NPC1L1: variants seen among roughly 807,000 people sequenced by gnomAD.
NPC1L1 encodes the protein NPC1-like intracellular cholesterol transporter 1.
Under a neutral mutation model 117.0 loss-of-function variants are expected in NPC1L1, and 98 were observed. That is an observed-to-expected ratio of 0.84 (90% CI 0.71 to 0.99). The LOEUF is 0.99. Ranked by LOEUF, NPC1L1 falls within the 50% of genes least tolerant of loss-of-function variation. The pLI, the probability that NPC1L1 is intolerant of heterozygous loss-of-function variation, is 0.00. For synonymous variants in NPC1L1, 729 were observed against 727.6 expected (o/e 1.00, Z -0.03); for missense variants, 1,540 against 1,710.0 (o/e 0.90, Z 1.75).
At chr7:44,523,228 G>A (rs1181381967) in intron 10 of NPC1L1, among the ~76,000 whole-genome samples, 1 of 151,980 alleles carries the variant, frequency 6.6e-6, no homozygotes, top group African/African-American at 2.4e-5. Context: ...GCTGATTTTT[G>A]TATTTTTAAA....
rs749174573 is a variant in NPC1L1 at position 44,534,602 on chromosome 7, C to T, written c.2011G>A (p.Gly671Ser). The change falls in exon 6 of 19, where the codon GGC becomes AGC. Residue 671 changes from glycine to serine, a missense_variant. Gly to Ser is a moderately conservative substitution (Grantham distance 56, BLOSUM62 0). Around this residue, in one of 3 missense-constraint regions of NPC1L1, gnomAD observed 742 missense variants for 873.6 expected, o/e 0.85. Transcript: ENST00000381160. This position sits in a 1 kb window ranked among gnomAD's most constrained non-coding sequence, Gnocchi z 5.2. ...MVDSKATLGL[G>S]GVAVVLGAVM... The stretch of plus-strand genomic sequence containing the variant: ...GCTCCCAGGACCACGGCCACCCCGC[C>T]GAGGCCCAGCGTGGCCTTGGAGTCC... The T allele has an allele frequency of 3.1e-6, 5 of 1,613,958 alleles. No individual in the cohort carries two copies. The highest frequency in any genetic ancestry group is 1.3e-5 in the African/African-American group (1 of 74,920).
At chr7:44,525,698 C>T (rs904287463) in intron 10 of NPC1L1, among the ~76,000 whole-genome samples, 1 of 151,552 alleles carries the variant, frequency 6.6e-6, no homozygotes, top group Non-Finnish European at 1.5e-5. Flanking sequence ...CATAGCAAGA[C>T]CCTGCCTCTA....
chr7:44,516,200 A>G lies in NPC1L1; in HGVS notation c.3520-3T>C. On this transcript the variant is annotated splice_polypyrimidine_tract_variant and splice_region_variant and intron_variant, in intron 16 of 18. Coordinates refer to ENST00000381160, the MANE Select transcript of NPC1L1 (RefSeq NM_001101648.2). ...AACTCCACAGACATGCCCACCGCCT[A>G]TGGGCAGAGAGGGGGCATAAGCCAA... 6.3e-7 allele frequency: 1 copy of G among 1,596,006 alleles called. No individual in the cohort carries two copies.
At position 44,533,792 on chromosome 7, in the gene NPC1L1, A is replaced by G. The variant is rs748701139; in HGVS notation, c.2228T>C (p.Val743Ala). 3 of 1,613,884 alleles carry G rather than the reference A, an allele frequency of 1.9e-6. No homozygotes were observed. The highest frequency in any genetic ancestry group is 2.2e-5 in the East Asian group (1 of 44,880). Reference protein sequence around the residue: ...EVHIGRALGRVAPSMLLCSLS... With the variant: ...EVHIGRALGRAAPSMLLCSLS... ...GCTGCACAACAGCATGCTGGGAGCC[A>G]CCCTGCCTAGGGCTCGCCCAATGTG... Residue 743 changes from valine to alanine, a missense_variant, in exon 7 of 19, where the codon GTG becomes GCG. Val to Ala is a moderately conservative substitution (Grantham distance 64, BLOSUM62 0). Around this residue, in one of 3 missense-constraint regions of NPC1L1, gnomAD observed 742 missense variants for 873.6 expected, o/e 0.85. Coordinates refer to ENST00000381160, the MANE Select transcript of NPC1L1 (RefSeq NM_001101648.2).
At chr7:44,526,365 A>C (rs1232943116) in intron 10 of NPC1L1, among the ~76,000 whole-genome samples, 1 of 151,738 alleles carries the variant, frequency 6.6e-6, no homozygotes, top group Non-Finnish European at 1.5e-5. Flanking sequence ...CTTGACTAAC[A>C]TGGTGAGACC....
chr7:44,521,971 C>T, intron 11 of NPC1L1, 81 bp downstream of exon 11: 1 of 1,594,472 alleles, frequency 6.3e-7, no homozygotes. Context: ...AGGGATAGAA[C>T]ATCAGGAAGA....
intron 18 of NPC1L1, among the ~76,000 whole-genome samples, chr7:44,514,978 A>C (rs1287665477): frequency 6.6e-6 from 1 of 152,096 alleles, no homozygotes; most frequent in Non-Finnish European, 1.5e-5. Context: ...ATACCACTGC[A>C]CTCCAGCCTG....
At chr7:44,526,546 C>CAA (rs372498105) in intron 10 of NPC1L1, among the ~76,000 whole-genome samples, 15 of 68,290 alleles carry the variant, frequency 2.2e-4, no homozygotes, top group African/African-American at 4.2e-4. Flanking sequence ...GACTCCATCT[C>CAA]AAAAAAAAAA....
chr7:44,520,276 T>C (rs1801314456), intron 14 of NPC1L1, among the ~76,000 whole-genome samples: 1 of 150,986 alleles, frequency 6.6e-6, no homozygotes, highest in Non-Finnish European at 1.5e-5. Flanking sequence ...CGAGACTCCG[T>C]CTCGAAAAAA....
In NPC1L1 at chr7:44,522,141, C is replaced by T; in HGVS notation, c.2739G>A (p.Glu913=). ...VTTLGYNFSS[E]AGMNAICSSA... ...TGGAGCAGATGGCATTCATCCCAGC[C>T]TCGCTGGAGAAGTTGTAGCCCAAGG... The change falls in exon 11 of 19, where the codon GAG becomes GAA. Residue 913 remains glutamate, a synonymous_variant. Coordinates refer to ENST00000381160, the MANE Select transcript of NPC1L1 (RefSeq NM_001101648.2). 6.2e-7 allele frequency: 1 copy of T among 1,614,064 alleles called. No individual in the cohort carries two copies. The highest frequency in any genetic ancestry group is 8.5e-7 in the Non-Finnish European group (1 of 1,179,994).
chr7:44,517,091 T>C (rs993751185), intron 15 of NPC1L1, 116 bp downstream of exon 15: 110 of 1,495,348 alleles, frequency 7.4e-5, no homozygotes, highest in Non-Finnish European at 1.0e-4. Flanking sequence ...AGCCAGAGCC[T>C]CCTGACCTAA....
chr7:44,537,071 G>A, intron 2 of NPC1L1, 129 bp from the exon 3 acceptor site: 1 of 706,342 alleles, frequency 1.4e-6, no homozygotes, highest in Non-Finnish European at 2.4e-6. Flanking sequence ...GGGGGACACT[G>A]GCTGCAGATA....
At chr7:44,521,936 C>T in intron 11 of NPC1L1, 100 bp from the exon 12 acceptor site, 1 of 1,599,046 alleles carries the variant, frequency 6.3e-7, no homozygotes, top group Non-Finnish European at 8.5e-7. Flanking sequence ...AGGCATACGG[C>T]AGCAAGGCAG....
chr7:44,533,535 C>T lies in NPC1L1; in HGVS notation c.2305G>A (p.Val769Met), dbSNP rs1173424604. Residue 769 changes from valine to methionine, a missense_variant, in exon 8 of 19, where the codon GTG becomes ATG. Physicochemically the swap from Val to Met is conservative, Grantham distance 21. Around this residue, in one of 3 missense-constraint regions of NPC1L1, gnomAD observed 742 missense variants for 873.6 expected, o/e 0.85. Transcript: ENST00000381160. Reference sequence around the variant, plus strand: ...CCAGAGGTCAGGGCAAAGGTCCGCACAGCTGGCATGGGGGTCAGGGCCCCT... The same window carrying T: ...CCAGAGGTCAGGGCAAAGGTCCGCATAGCTGGCATGGGGGTCAGGGCCCCT... ...FLGALTPMPA[V>M]RTFALTSGLA... The T allele has an allele frequency of 1.2e-6, 2 of 1,614,218 alleles. No individual in the cohort carries two copies. Among genetic ancestry groups the T allele is most frequent in the Non-Finnish European group, 1.7e-6 (2 of 1,180,034 alleles).
Position 44,539,736 on chromosome 7 carries a change from G to A in NPC1L1, c.661C>T (p.His221Tyr), listed in dbSNP as rs114376659. The change falls in exon 2 of 19, where the codon CAC becomes TAC. Residue 221 changes from histidine (H) to tyrosine (Y), a missense_variant. Physicochemically the swap from His to Tyr is moderately conservative, Grantham distance 83. Around this residue, in one of 3 missense-constraint regions of NPC1L1, gnomAD observed 793 missense variants for 820.4 expected, o/e 0.97. Transcript: ENST00000381160. The surrounding 1 kb of genome is among the most constrained non-coding windows in gnomAD (Gnocchi z 4.4). ...ACGGCCTGGCCAGGCTCCAAGAGGT[G>A]GAAGGTGATGTCCAGTGGGGCCAGA... is the stretch of plus-strand genomic sequence containing the variant. ...NGLAPLDITF[H>Y]LLEPGQAVGS... is the part of the protein sequence containing the mutation. 5.8e-3 allele frequency: 9,336 copies of A among 1,614,148 alleles called. 129 individuals carry two copies. Among genetic ancestry groups the A allele is most frequent in the Non-Finnish European group, 5.6e-3 (6,562 of 1,180,030 alleles).
In NPC1L1 at chr7:44,521,832, A is replaced by G. The variant is rs141600243; in HGVS notation, c.2833T>C (p.Tyr945His). The stretch of plus-strand genomic sequence containing the variant: ...CAGGAGGAGGCAGGGATGGCCAGGT[A>G]AGACCTAAGGGGCAGGTGGGAGGAA... The part of the protein sequence containing the change: ...QYATEFPEQS[Y>H]LAIPASSWVD... Residue 945 changes from tyrosine (Y) to histidine (H), a missense_variant, in exon 12 of 19, where the codon TAC becomes CAC. Tyr to His is a moderately conservative substitution (Grantham distance 83). This residue lies in a region of NPC1L1 where 742 missense variants were observed against 873.6 expected (regional missense o/e 0.85). Transcript: ENST00000381160. The G allele has an allele frequency of 1.9e-5, 30 of 1,613,984 alleles. 1 individual carries two copies. The highest frequency in any genetic ancestry group is 2.4e-5 in the Non-Finnish European group (28 of 1,180,010).
chr7:44,529,344 G>A (rs542741060), intron 10 of NPC1L1, among the ~76,000 whole-genome samples: 1 of 150,700 alleles, frequency 6.6e-6, no homozygotes, highest in Non-Finnish European at 1.5e-5. Flanking sequence ...AACCAAAAGA[G>A]AATAGGGGTA....
At chr7:44,537,801 G>A (rs577154476) in intron 2 of NPC1L1, among the ~76,000 whole-genome samples, 6 of 152,334 alleles carry the variant, frequency 3.9e-5, no homozygotes, top group African/African-American at 9.6e-5. Context: ...TCAGACATGA[G>A]TCTGAGGTCA....
At chr7:44,531,467 A>G (rs988678006) in intron 10 of NPC1L1, among the ~76,000 whole-genome samples, 2 of 152,212 alleles carry the variant, frequency 1.3e-5, no homozygotes, top group Non-Finnish European at 2.9e-5. Context: ...GCAGGCACTC[A>G]GCAAAGTGGC....
Sources: gnomAD v4.1 joint callset for allele counts (sites outside exome capture counted in the v4.1 genomes callset) on GRCh38, gnomAD v4.1.1 for gene constraint, gnomAD v4.1.1 regional missense constraint, Gnocchi (gnomAD v3.1) non-coding constraint, MANE v1.5 for transcripts, NCBI Gene and HGNC (gene_info 2026-07-23, HGNC 2026-07-21) for gene names.